Variants in RORB observed in about 807,000 individuals in gnomAD.
RORB encodes the protein RAR related orphan receptor B.
RORB carries 6 observed loss-of-function variants against 59.1 expected under a neutral mutation model. That is an observed-to-expected ratio of 0.10 (90% CI 0.06 to 0.20). RORB has a LOEUF of 0.20. Among genes scored for constraint, RORB ranks in the 10% least tolerant of loss-of-function variants. The probability of loss-of-function intolerance (pLI) is 1.00; values close to 1 mark genes in which losing one functional copy is unlikely to be tolerated. For missense variants in RORB, 320 were observed against 560.5 expected, an observed-to-expected ratio of 0.57 and a Z score of 4.33; for synonymous variants, 215 against 204.5, an observed-to-expected ratio of 1.05 and a Z score of -0.44.
intron 1 of RORB, among the ~76,000 whole-genome samples, chr9:74,565,206 A>C (rs1245187642): frequency 6.6e-6 from 1 of 152,220 alleles, no homozygotes; most frequent in Non-Finnish European, 1.5e-5. Flanking sequence ...AAAAACACCC[A>C]ATCTTTGCAA....
chr9:74,592,112 T>C (rs1822906836), intron 1 of RORB, among the ~76,000 whole-genome samples: 1 of 152,172 alleles, frequency 6.6e-6, no homozygotes, highest in Non-Finnish European at 1.5e-5. Flanking sequence ...CCATCCATAC[T>C]CACTTGGATC....
chr9:74,558,211 C>T (rs975180314), intron 1 of RORB, among the ~76,000 whole-genome samples: 2 of 152,106 alleles, frequency 1.3e-5, no homozygotes, highest in African/African-American at 4.8e-5. Context: ...CAGAGCTACC[C>T]TTCCTTTTGC....
At chr9:74,683,485 C>G (rs1006453947) in intron 9 of RORB, among the ~76,000 whole-genome samples, 1 of 152,138 alleles carries the variant, frequency 6.6e-6, no homozygotes, top group Non-Finnish European at 1.5e-5. Flanking sequence ...ATAACGTGAA[C>G]TATGAGGGCT....
intron 1 of RORB, among the ~76,000 whole-genome samples, chr9:74,608,253 G>A (rs981860282): frequency 2.0e-5 from 3 of 151,986 alleles, no homozygotes; most frequent in Non-Finnish European, 2.9e-5. Context: ...TAAGAAACAC[G>A]TCCTAACAAT....
chr9:74,572,499 T>C (rs1438648451), intron 1 of RORB, among the ~76,000 whole-genome samples: 3 of 152,098 alleles, frequency 2.0e-5, no homozygotes, highest in Admixed American at 2.0e-4. Context: ...CCCACCATGA[T>C]AGCTGGTTAT....
intron 1 of RORB, among the ~76,000 whole-genome samples, chr9:74,606,772 G>A (rs557510246): frequency 1.4e-4 from 21 of 152,226 alleles, no homozygotes; most frequent in African/African-American, 4.6e-4. Context: ...CAGGATTGTT[G>A]GGTTCTTATG....
At chr9:74,617,125 T>C (rs558890550) in intron 1 of RORB, among the ~76,000 whole-genome samples, 2 of 147,630 alleles carry the variant, frequency 1.4e-5, no homozygotes, top group East Asian at 4.1e-4. Context: ...TTAGAAGTAA[T>C]TCAAATGTCT....
At chr9:74,672,447 A>T (rs1407722496) in intron 9 of RORB, among the ~76,000 whole-genome samples, 1 of 152,140 alleles carries the variant, frequency 6.6e-6, no homozygotes, top group Non-Finnish European at 1.5e-5. Flanking sequence ...AGAGTGCAAG[A>T]TTAGACTGAT....
intron 4 of RORB, among the ~76,000 whole-genome samples, chr9:74,656,761 C>T (rs1028244718): frequency 6.6e-6 from 1 of 151,994 alleles, no homozygotes; most frequent in African/African-American, 2.4e-5. Context: ...AGACAAAAAA[C>T]AGACCATACT....
At chr9:74,628,880 C>T (rs947987153) in intron 1 of RORB, among the ~76,000 whole-genome samples, 1 of 152,144 alleles carries the variant, frequency 6.6e-6, no homozygotes, top group African/African-American at 2.4e-5. Context: ...CATCCATAAC[C>T]TGTGTGCTGA....
At chr9:74,605,302 A>C (rs1823131409) in intron 1 of RORB, among the ~76,000 whole-genome samples, 1 of 152,204 alleles carries the variant, frequency 6.6e-6, no homozygotes, top group Non-Finnish European at 1.5e-5. Context: ...AGGTAGTCAA[A>C]TTTCACGAGG....
At chr9:74,517,856 A>C (rs1207584490) in intron 1 of RORB, among the ~76,000 whole-genome samples, 1 of 151,998 alleles carries the variant, frequency 6.6e-6, no homozygotes, top group Non-Finnish European at 1.5e-5. Context: ...TTGAACACTC[A>C]CTATGTGAAA....
At chr9:74,673,266 ATCTTG>A in intron 9 of RORB, among the ~76,000 whole-genome samples, 1 of 152,286 alleles carries the variant, frequency 6.6e-6, no homozygotes, top group East Asian at 1.9e-4. Context: ...GCATAAATAC[ATCTTG>A]TTAATTAATG....
chr9:74,582,731 A>C (rs1587369462), intron 1 of RORB, among the ~76,000 whole-genome samples: 1 of 151,870 alleles, frequency 6.6e-6, no homozygotes, highest in Non-Finnish European at 1.5e-5. Context: ...CAGCCCCCTC[A>C]CCCTGCCGTC....
chr9:74,520,044 TAG>T (rs1240791273), intron 1 of RORB, among the ~76,000 whole-genome samples: 1 of 151,470 alleles, frequency 6.6e-6, no homozygotes, highest in Non-Finnish European at 1.5e-5. Context: ...ACACAGCACA[TAG>T]AGACTTAGAG....
chr9:74,547,172 G>A (rs538632881), intron 1 of RORB, among the ~76,000 whole-genome samples: 6 of 152,270 alleles, frequency 3.9e-5, no homozygotes, highest in African/African-American at 1.4e-4. Flanking sequence ...GGTTGCTGGA[G>A]AGAATTAAAA....
intron 1 of RORB, among the ~76,000 whole-genome samples, chr9:74,511,521 G>C (rs533326451): frequency 1.3e-5 from 2 of 151,258 alleles, no homozygotes; most frequent in Non-Finnish European, 2.9e-5. Context: ...ACAGTGACCC[G>C]GGCCTGTGGT....
Position 74,642,686 on chromosome 9 carries a change from C to G in RORB, c.508C>G (p.Leu170Val), listed in dbSNP as rs759595738. ...TCAGCCGTCCCCTGATCAGTCAGGA[C>G]TTGACATGACTGGAATCAAACAGAT... is the stretch of plus-strand genomic sequence containing the variant. ...SGQPSPDQSG[L>V]DMTGIKQIKQ... The change falls in exon 4 of 10, where the codon CTT (leucine) becomes GTT (valine). Residue 170 changes from leucine to valine, a missense_variant. Physicochemically the swap from Leu to Val is conservative, Grantham distance 32 (BLOSUM62 1). Around this residue, in one of 4 missense-constraint regions of RORB, gnomAD observed 134 missense variants for 156.2 expected, o/e 0.86. Transcript: ENST00000376896. The G allele has an allele frequency of 3.1e-6, 5 of 1,614,052 alleles. No individual in the cohort carries two copies. Among genetic ancestry groups the G allele is most frequent in the Non-Finnish European group, 4.2e-6 (5 of 1,180,030 alleles).
intron 3 of RORB, among the ~76,000 whole-genome samples, chr9:74,637,354 T>G (rs1301545877): frequency 6.6e-6 from 1 of 152,244 alleles, no homozygotes; most frequent in East Asian, 1.9e-4. Context: ...TCCTGAAATT[T>G]CACTGCTATA....
Sources: gnomAD v4.1 joint callset for allele counts (sites outside exome capture counted in the v4.1 genomes callset) on GRCh38, gnomAD v4.1.1 for gene constraint, gnomAD v4.1.1 regional missense constraint, MANE v1.5 for transcripts, NCBI Gene and HGNC (gene_info 2026-07-23, HGNC 2026-07-21) for gene names.